Variants in PRR35 observed in about 807,000 individuals in gnomAD.
PRR35 encodes proline rich 35, also known as proline-rich protein 35.
PRR35 carries 14 observed loss-of-function variants against 18.6 expected under a neutral mutation model. The observed-to-expected ratio is 0.75, with a 90% CI of 0.50 to 1.18. The LOEUF (loss-of-function observed/expected upper bound fraction) is 1.18, where lower values mean the gene tolerates loss of function less well. Ranked by LOEUF, PRR35 falls within the 50% of genes most tolerant of loss-of-function variation. The pLI, the probability that PRR35 is intolerant of heterozygous loss-of-function variation, is 0.00. For missense variants in PRR35, 832 were observed against 792.2 expected (o/e 1.05, Z -0.60); for synonymous variants, 425 against 378.2 (o/e 1.12, Z -1.43).
chr16:560,566 C>T lies in PRR35; in HGVS notation c.-135C>T, dbSNP rs1485865785. The T allele has an allele frequency of 1.0e-6, 1 of 982,992 alleles. No homozygotes were observed. The highest frequency in any genetic ancestry group is 1.2e-6 in the Non-Finnish European group (1 of 829,018). 60.9% of individuals were successfully genotyped at this position (982,992 alleles called of 1,614,324 possible). A position where few individuals can be genotyped will look rare whatever the true frequency, so the allele number is the denominator to read the frequency against. On this transcript the variant is annotated 5_prime_UTR_variant, in exon 1 of 3. Transcript: ENST00000409413. Reference sequence around the variant, plus strand: ...CAGAGCCCCAGCGCGTCCGCGGGGTCCGAGTCGCGGCCGGCGCGGGGCGGG... The same window carrying T: ...CAGAGCCCCAGCGCGTCCGCGGGGTTCGAGTCGCGGCCGGCGCGGGGCGGG...
rs1215568420 is a variant in PRR35, at chr16:564,779, A to G, written c.1188A>G (p.Pro396=). The G allele has an allele frequency of 3.2e-6, 5 of 1,545,646 alleles. No individual in the cohort carries two copies. The highest frequency in any genetic ancestry group is 1.4e-5 in the African/African-American group (1 of 73,164). Residue 396 remains proline (P), a synonymous_variant, in exon 3 of 3, where the codon CCA becomes CCG. Coordinates refer to ENST00000409413, the MANE Select transcript of PRR35 (RefSeq NM_145270.3). ...EGPLPLQPRG[P]VPGSPEHVGE... is the part of the protein sequence containing the mutation. The stretch of plus-strand genomic sequence containing the variant: ...CCCTCCCCCTGCAGCCACGGGGCCC[A>G]GTGCCAGGAAGCCCGGAGCATGTGG...
chr16:564,270 C>G lies in PRR35; in HGVS notation c.976C>G (p.Leu326Val). The G allele has an allele frequency of 1.3e-6, 2 of 1,577,056 alleles. No individual in the cohort carries two copies. The highest frequency in any genetic ancestry group is 1.7e-6 in the Non-Finnish European group (2 of 1,166,292). The change falls in exon 2 of 3, where the codon CTG becomes GTG. Residue 326 changes from leucine (L) to valine (V), a missense_variant. By Grantham distance (32) the Leu-to-Val change is conservative (BLOSUM62 1). Coordinates refer to ENST00000409413, the MANE Select transcript of PRR35 (RefSeq NM_145270.3). ...CAGGGACCCAGGGCAGGAGGGGGAG[C>G]TGGAGCGGGCAGCCCAGAGTGACCC... ...TPRDPGQEGELERAAQSDPRR... is the reference protein window; with the variant it reads ...TPRDPGQEGEVERAAQSDPRR...
chr16:561,632 C>CCTGCAGGGCAGTCACGGG, intron 1 of PRR35: 1 of 674,146 alleles, frequency 1.5e-6, no homozygotes, highest in Non-Finnish European at 1.8e-6. Flanking sequence ...CCGTGACTGC[C>CCTGCAGGGCAGTCACGGG]CTGCAGGGCC....
At chr16:560,115 G>A (rs1043318333), upstream of PRR35, among the ~76,000 whole-genome samples, 1 of 151,616 alleles carries the variant, frequency 6.6e-6, no homozygotes, top group Non-Finnish European at 1.5e-5. Context: ...GGGAGGCGCC[G>A]GGCGCCCCTG....
chr16:563,518 C>T lies in PRR35; in HGVS notation c.224C>T (p.Ala75Val), dbSNP rs761007537. ...LSLLLDSPDWACRRGSTTPRP... is the reference protein window; with the variant it reads ...LSLLLDSPDWVCRRGSTTPRP... ...CTGCTGCTAGACTCCCCAGACTGGG[C>T]GTGCCGCCGTGGCTCCACCACGCCT... The change falls in exon 2 of 3, where the codon GCG becomes GTG. Residue 75 changes from alanine (A) to valine (V), a missense_variant. Physicochemically the swap from Ala to Val is moderately conservative, Grantham distance 64 (BLOSUM62 0). Coordinates refer to ENST00000409413, the MANE Select transcript of PRR35 (RefSeq NM_145270.3). The T allele has an allele frequency of 3.7e-6, 6 of 1,611,858 alleles. No individual in the cohort carries two copies. The highest frequency in any genetic ancestry group is 1.3e-5 in the African/African-American group (1 of 75,014).
chr16:562,424 ACACACGCACT>A (rs1360924438), intron 1 of PRR35, among the ~76,000 whole-genome samples: 8 of 150,544 alleles, frequency 5.3e-5, no homozygotes, highest in African/African-American at 1.8e-4. Flanking sequence ...ACACACGCAT[ACACACGCACT>A]CACACATGCA....
chr16:563,590 GCAGGCAACCCCAGGGAGCACGGCCCA>G lies in PRR35; in HGVS notation c.301_326del (p.Gln101CysfsTer6), dbSNP rs749483037. The G allele has an allele frequency of 1.9e-6, 3 of 1,597,678 alleles. No individual in the cohort carries two copies. The South Asian group carries it at 3.3e-5, about 18-fold the overall frequency. On this transcript the variant is annotated frameshift_variant, in exon 2 of 3. Coordinates refer to ENST00000409413, the MANE Select transcript of PRR35 (RefSeq NM_145270.3). LOFTEE classifies it high-confidence loss of function. ...GACCGCCCTGGGGAGTCCGACCCCG[GCAGGCAACCCCAGGGAGCACGGCCCA>G]CAGGTGCTGCCCCCGCGCCTGACCT... is the stretch of plus-strand genomic sequence containing the variant.
At position 565,312 on chromosome 16, in the gene PRR35, C is replaced by T. The variant is rs1302761563; in HGVS notation, c.*5C>T. 3 of 1,484,078 alleles carry T rather than the reference C, an allele frequency of 2.0e-6. No homozygotes were observed. Among genetic ancestry groups the T allele is most frequent in the African/African-American group, 1.4e-5 (1 of 70,558 alleles). The allele number at this position is 1,484,078 out of a possible 1,614,324, so 91.9% of individuals were successfully genotyped here. On this transcript the variant is annotated 3_prime_UTR_variant, in exon 3 of 3. Transcript: ENST00000409413. Reference sequence around the variant, plus strand: ...CCCCAGGGCGCCGAGGTCTGACCTGCAGCGCCTGAGGTCTGACTGTCTCTG... The same window carrying T: ...CCCCAGGGCGCCGAGGTCTGACCTGTAGCGCCTGAGGTCTGACTGTCTCTG...
chr16:560,354 A>T, upstream of PRR35: 1 of 974,748 alleles, frequency 1.0e-6, no homozygotes, highest in Non-Finnish European at 1.2e-6. Context: ...CGCCCCCCGG[A>T]GCCCGGAGCC....
Position 564,585 on chromosome 16 carries a change from C to T in PRR35, c.1083-89C>T, listed in dbSNP as rs1469601167. The T allele has an allele frequency of 2.1e-6, 3 of 1,424,532 alleles. No individual in the cohort carries two copies. In the African/African-American group the frequency reaches 4.3e-5, roughly 20 times the overall value. 88.2% of individuals were successfully genotyped at this position (1,424,532 alleles called of 1,614,324 possible). Reference sequence around the variant, plus strand: ...GGAGAGCCTAGGCTCTAGGCTGGGGCCACAGGGCAGAGGCCGTGAGGGGAG... The same window carrying T: ...GGAGAGCCTAGGCTCTAGGCTGGGGTCACAGGGCAGAGGCCGTGAGGGGAG... On this transcript the variant is annotated intron_variant, in intron 2 of 2. Coordinates refer to ENST00000409413, the MANE Select transcript of PRR35 (RefSeq NM_145270.3).
rs1038996926 is a variant in PRR35 at position 560,575 on chromosome 16, G to C, written c.-126G>C. 1 of 983,172 alleles carries C rather than the reference G, an allele frequency of 1.0e-6. No homozygotes were observed. The highest frequency in any genetic ancestry group is 1.2e-6 in the Non-Finnish European group (1 of 829,082). The allele number at this position is 983,172 out of a possible 1,614,324, so 60.9% of individuals were successfully genotyped here. A position where few individuals can be genotyped will look rare whatever the true frequency, so the allele number is the denominator to read the frequency against. ...AGCGCGTCCGCGGGGTCCGAGTCGC[G>C]GCCGGCGCGGGGCGGGGAGGGGCGG... On this transcript the variant is annotated 5_prime_UTR_variant, in exon 1 of 3. Coordinates refer to ENST00000409413, the MANE Select transcript of PRR35 (RefSeq NM_145270.3).
At chr16:561,972 T>C (rs2035441246) in intron 1 of PRR35, among the ~76,000 whole-genome samples, 1 of 152,134 alleles carries the variant, frequency 6.6e-6, no homozygotes, top group Non-Finnish European at 1.5e-5. Flanking sequence ...GCCCCGCACT[T>C]GGTGGCAGAC....
In PRR35 at chr16:560,565, T is replaced by C. The variant is rs2035415410; in HGVS notation, c.-136T>C. On this transcript the variant is annotated 5_prime_UTR_variant, in exon 1 of 3. Coordinates refer to ENST00000409413, the MANE Select transcript of PRR35 (RefSeq NM_145270.3). ...CCAGAGCCCCAGCGCGTCCGCGGGG[T>C]CCGAGTCGCGGCCGGCGCGGGGCGG... 1 of 982,566 alleles carries C rather than the reference T, an allele frequency of 1.0e-6. No homozygotes were observed. The allele number at this position is 982,566 out of a possible 1,614,324, so 60.9% of individuals were successfully genotyped here.
Position 564,066 on chromosome 16 carries a change from C to T in PRR35, c.772C>T (p.Pro258Ser), listed in dbSNP as rs773267750. 1.3e-6 allele frequency: 2 copies of T among 1,548,024 alleles called. No homozygotes were observed. The highest frequency in any genetic ancestry group is 1.7e-6 in the Non-Finnish European group (2 of 1,151,700). Residue 258 changes from proline (P) to serine (S), a missense_variant, in exon 2 of 3, where the codon CCC (proline) becomes TCC (serine). Pro to Ser is a moderately conservative substitution (Grantham distance 74). Coordinates refer to ENST00000409413, the MANE Select transcript of PRR35 (RefSeq NM_145270.3). ...CCCAGCCGTGCAGCCCCCTCAGCGC[C>T]CCACCCCGGCCCCCCGCCTGTACTA... Reference protein sequence around the residue: ...AFPAVQPPQRPTPAPRLYYPL... With the variant: ...AFPAVQPPQRSTPAPRLYYPL...
intron 1 of PRR35, among the ~76,000 whole-genome samples, chr16:561,473 G>C (rs1426506767): frequency 6.6e-6 from 1 of 152,170 alleles, no homozygotes. Context: ...CAGGGAGAAG[G>C]GGCCGCCTCT....
At position 563,884 on chromosome 16, in the gene PRR35, A is replaced by T; in HGVS notation, c.590A>T (p.Glu197Val). 6.3e-7 allele frequency: 1 copy of T among 1,577,332 alleles called. No homozygotes were observed. Residue 197 changes from glutamate to valine, a missense_variant, in exon 2 of 3, where the codon GAG becomes GTG. Transcript: ENST00000409413. ...TGCTATCCCCCGCCTGCCCCAGGGG[A>T]GTTCCCTGAGGCCCACAGCCTCCAC... ...VPCYPPPAPGEFPEAHSLHLS... is the reference protein window; with the variant it reads ...VPCYPPPAPGVFPEAHSLHLS...
Position 563,626 on chromosome 16 carries a change from C to T in PRR35, c.332C>T (p.Ala111Val), listed in dbSNP as rs1184467584. 2 of 1,583,416 alleles carry T rather than the reference C, an allele frequency of 1.3e-6. No individual in the cohort carries two copies. The highest frequency in any genetic ancestry group is 4.6e-5 in the East Asian group (2 of 43,610). Residue 111 changes from alanine to valine, a missense_variant, in exon 2 of 3, where the codon GCC (alanine) becomes GTC (valine). Ala to Val is a moderately conservative substitution (Grantham distance 64). Transcript: ENST00000409413. ...QPQGARPTGA[A>V]PAPDLVVADI... ...CAGGGAGCACGGCCCACAGGTGCTG[C>T]CCCCGCGCCTGACCTCGTGGTCGCC...
Position 563,965 on chromosome 16 carries a change from G to A in PRR35, c.671G>A (p.Gly224Glu). ...PLSPGLFSYL[G>E]PSLAAAAHVP... ...AGCCCCGGCCTCTTCTCCTACTTGG[G>A]GCCCTCACTGGCCGCTGCAGCCCAT... Residue 224 changes from glycine (G) to glutamate (E), a missense_variant, in exon 2 of 3, where the codon GGG (glycine) becomes GAG (glutamate). Physicochemically the swap from Gly to Glu is moderately conservative, Grantham distance 98. Transcript: ENST00000409413. The A allele has an allele frequency of 3.1e-6, 5 of 1,599,674 alleles. No homozygotes were observed. The highest frequency in any genetic ancestry group is 4.3e-6 in the Non-Finnish European group (5 of 1,174,574).
intron 1 of PRR35, chr16:561,792 C>T (rs1234448100): frequency 2.0e-6 from 2 of 985,304 alleles, no homozygotes; most frequent in African/African-American, 3.5e-5. Context: ...CGACCCCCAG[C>T]CAGGTCTGCG....
Sources: allele counts gnomAD v4.1 joint callset (sites outside exome capture counted in the v4.1 genomes callset), GRCh38; gene constraint gnomAD v4.1.1; transcripts MANE v1.5; gene names NCBI Gene and HGNC (gene_info 2026-07-23, HGNC 2026-07-21).